NFKBIZ: variants seen among roughly 807,000 people sequenced by gnomAD.
NFKBIZ encodes the protein NFKB inhibitor zeta.
Under a neutral mutation model 76.8 loss-of-function variants are expected in NFKBIZ, and 19 were observed. That is an observed-to-expected ratio of 0.25 (90% CI 0.17 to 0.36). The LOEUF (loss-of-function observed/expected upper bound fraction) is 0.36. Among genes scored for constraint, NFKBIZ ranks in the 10% least tolerant of loss-of-function variants. The probability of loss-of-function intolerance (pLI) is 1.00; values close to 1 mark genes in which losing one functional copy is unlikely to be tolerated. For missense variants in NFKBIZ, 829 were observed against 910.9 expected, an observed-to-expected ratio of 0.91 and a Z score of 1.16; for synonymous variants, 368 against 354.8, an observed-to-expected ratio of 1.04 and a Z score of -0.42.
In NFKBIZ at chr3:101,831,909, C is replaced by CT. The variant is rs1017709758; in HGVS notation, c.-12+2230dup. The stretch of plus-strand genomic sequence containing the variant: ...TCTGCCTCAGCCTCCCAAAGTTTTG[C>CT]TTTTTTTTTGAGACAGAGTTTTGCT... On this transcript the variant is annotated intron_variant, in intron 2 of 12. Transcript: ENST00000394054. 6.0e-5 allele frequency among the ~76,000 whole-genome samples: 9 copies of CT among 150,686 alleles called. No individual in the cohort carries two copies. In the East Asian group the frequency reaches 9.8e-4, roughly 16 times the overall value.
At chr3:101,849,952 G>A in intron 1 of NFKBIZ, 35 bp downstream of exon 1, 2 of 1,359,512 alleles carry the variant, frequency 1.5e-6, no homozygotes, top group South Asian at 1.8e-5. Context: ...CGTACTCGGG[G>A]CGCGCACGCC....
chr3:101,844,996 G>C (rs901935511), upstream of NFKBIZ, among the ~76,000 whole-genome samples: 1 of 152,044 alleles, frequency 6.6e-6, no homozygotes, highest in Non-Finnish European at 1.5e-5. Context: ...GGCCGGGCAC[G>C]GTGGCTCACG....
At chr3:101,857,566 A>ACT in intron 11 of NFKBIZ, 107 bp downstream of exon 11, 1 of 1,529,970 alleles carries the variant, frequency 6.5e-7, no homozygotes, top group Non-Finnish European at 8.8e-7. Context: ...CTTCAGGTGG[A>ACT]CTCTATCAGT....
chr3:101,830,434 C>T (rs1342759194), intron 2 of NFKBIZ, among the ~76,000 whole-genome samples: 1 of 152,176 alleles, frequency 6.6e-6, no homozygotes, highest in Admixed American at 6.5e-5. Context: ...TCCCATCACC[C>T]AGGTACTGAT....
intron 1 of NFKBIZ, among the ~76,000 whole-genome samples, chr3:101,828,459 A>T (rs1489219786): frequency 6.6e-6 from 1 of 152,190 alleles, no homozygotes; most frequent in Non-Finnish European, 1.5e-5. Context: ...GATCGATAGA[A>T]TGGGTGATGA....
chr3:101,850,277 TTTC>T (rs1166678936), intron 1 of NFKBIZ: 6 of 206,948 alleles, frequency 2.9e-5, no homozygotes, highest in African/African-American at 4.6e-5. Flanking sequence ...TAGGTGTAAT[TTTC>T]TTCTTGTGAA....
At chr3:101,836,108 G>A (rs185856631) in intron 2 of NFKBIZ, among the ~76,000 whole-genome samples, 1 of 152,170 alleles carries the variant, frequency 6.6e-6, no homozygotes, top group Admixed American at 6.5e-5. Context: ...CCTTTGGTGA[G>A]GGTAGAGGGA....
chr3:101,834,290 C>A (rs1024128768), intron 2 of NFKBIZ, among the ~76,000 whole-genome samples: 1 of 152,082 alleles, frequency 6.6e-6, no homozygotes, highest in African/African-American at 2.4e-5. Flanking sequence ...TTTCCCTGCC[C>A]TGCCCTGCCC....
chr3:101,849,850 G>T lies in NFKBIZ; in HGVS notation c.222G>T (p.Ser74=). 3.4e-6 allele frequency: 5 copies of T among 1,470,646 alleles called. No homozygotes were observed. Among genetic ancestry groups the T allele is most frequent in the Non-Finnish European group, 4.5e-6 (5 of 1,118,400 alleles). 91.1% of individuals were successfully genotyped at this position (1,470,646 alleles called of 1,614,324 possible). A position where few individuals can be genotyped will look rare whatever the true frequency, so the allele number is the denominator to read the frequency against. Residue 74 remains serine (S), a synonymous_variant, in exon 1 of 12, where the codon TCG becomes TCT. Coordinates refer to ENST00000326172, the MANE Select transcript of NFKBIZ (RefSeq NM_031419.4). ...GSDSSDFSSA[S]SVSSCGAVES... ...ACTCCTCCGACTTCTCCTCTGCCTCGTCGGTGTCCTCCTGCGGCGCCGTGG... is the reference window on the plus strand; with the variant it reads ...ACTCCTCCGACTTCTCCTCTGCCTCTTCGGTGTCCTCCTGCGGCGCCGTGG...
intron 2 of NFKBIZ, among the ~76,000 whole-genome samples, chr3:101,836,791 C>T (rs997933662): frequency 6.6e-6 from 1 of 152,162 alleles, no homozygotes; most frequent in East Asian, 1.9e-4. Context: ...TCTGTGTTTT[C>T]CCTTAACTTG....
intron 2 of NFKBIZ, among the ~76,000 whole-genome samples, chr3:101,842,808 G>A (rs1421816715): frequency 2.0e-5 from 3 of 150,584 alleles, no homozygotes; most frequent in Non-Finnish European, 4.4e-5. Context: ...AGGCTGGATG[G>A]GTGATCATTT....
chr3:101,851,744 G>A (rs1942968612), intron 1 of NFKBIZ, among the ~76,000 whole-genome samples: 2 of 152,086 alleles, frequency 1.3e-5, no homozygotes, highest in South Asian at 4.1e-4. Flanking sequence ...GGGTGGTTAG[G>A]GCTGAGAAAA....
Position 101,859,902 on chromosome 3 carries a change from T to G in NFKBIZ, c.*531T>G, listed in dbSNP as rs1361207138. ...TTGCAAACTGTATATAATTGTTATT[T>G]TTGTCCTTAAAAATATTGTACATAC... On this transcript the variant is annotated 3_prime_UTR_variant, in exon 12 of 12. Coordinates refer to ENST00000326172, the MANE Select transcript of NFKBIZ (RefSeq NM_031419.4). 1 of 152,404 alleles carries G rather than the reference T, an allele frequency of 6.6e-6. No homozygotes were observed. Among genetic ancestry groups the G allele is most frequent in the Non-Finnish European group, 1.5e-5 (1 of 68,192 alleles). The allele number at this position is 152,404 out of a possible 1,614,324, so 9.4% of individuals were successfully genotyped here. A position where few individuals can be genotyped will look rare whatever the true frequency, so the allele number is the denominator to read the frequency against.
upstream of NFKBIZ, among the ~76,000 whole-genome samples, chr3:101,846,518 G>A (rs1185374423): frequency 6.6e-6 from 1 of 152,138 alleles, no homozygotes; most frequent in East Asian, 1.9e-4. Context: ...TTAGTCTTTT[G>A]TTGACCATCT....
At chr3:101,838,983 TTAAA>T (rs1450041393) in intron 2 of NFKBIZ, among the ~76,000 whole-genome samples, 1 of 152,222 alleles carries the variant, frequency 6.6e-6, no homozygotes, top group Admixed American at 6.5e-5. Context: ...ATGGCAGATA[TTAAA>T]TAGTGGTAGC....
At chr3:101,844,979 C>T (rs1442512116), upstream of NFKBIZ, among the ~76,000 whole-genome samples, 1 of 152,068 alleles carries the variant, frequency 6.6e-6, no homozygotes, top group African/African-American at 2.4e-5. Context: ...CTTAAAAATC[C>T]AATTCTGGCC....
At chr3:101,841,897 G>C (rs1942790019) in intron 2 of NFKBIZ, among the ~76,000 whole-genome samples, 1 of 152,184 alleles carries the variant, frequency 6.6e-6, no homozygotes, top group South Asian at 2.1e-4. Context: ...GTACGGTATT[G>C]ACATAAAATA....
intron 9 of NFKBIZ, 152 bp downstream of exon 9, chr3:101,856,054 A>T (rs951485501): frequency 1.3e-5 from 6 of 477,850 alleles, no homozygotes; most frequent in South Asian, 3.7e-5. Flanking sequence ...GAAGCCCAGA[A>T]TTTTTTTTTT....
chr3:101,841,218 T>C lies in NFKBIZ; in HGVS notation c.-11-10867T>C, dbSNP rs565302889. 4.6e-5 allele frequency among the ~76,000 whole-genome samples: 7 copies of C among 152,332 alleles called. No homozygotes were observed. The South Asian group carries it at 1.0e-3, about 23-fold the overall frequency. On this transcript the variant is annotated intron_variant, in intron 2 of 12. Transcript: ENST00000394054. ...ATTACTTTTAAAGACAACCTTTTGA[T>C]CTTTCCAGATTAAAACATACAAAAG... is the stretch of plus-strand genomic sequence containing the variant.
Sources: allele counts gnomAD v4.1 joint callset (sites outside exome capture counted in the v4.1 genomes callset), GRCh38; gene constraint gnomAD v4.1.1; transcripts MANE v1.5; gene names NCBI Gene and HGNC (gene_info 2026-07-23, HGNC 2026-07-21).